Variants in CHST8 observed in about 807,000 individuals in gnomAD.
CHST8 encodes carbohydrate sulfotransferase 8.
Under a neutral mutation model 15.0 loss-of-function variants are expected in CHST8, and 10 were observed. The observed-to-expected ratio is 0.67, with a 90% CI of 0.41 to 1.13. The LOEUF is 1.13. CHST8 is among the 50% of genes most tolerant of loss of function. The pLI, the probability that CHST8 is intolerant of heterozygous loss-of-function variation, is 0.00. For missense variants in CHST8, 634 were observed against 608.2 expected (o/e 1.04, Z -0.45); for synonymous variants, 259 against 256.6 (o/e 1.01, Z -0.09).
At chr19:33,649,209 A>C (rs1415923864) in intron 1 of CHST8, among the ~76,000 whole-genome samples, 1 of 151,934 alleles carries the variant, frequency 6.6e-6, no homozygotes, top group Non-Finnish European at 1.5e-5. Flanking sequence ...CGGCCTGTCT[A>C]TCCTTCTGAT....
intron 2 of CHST8, among the ~76,000 whole-genome samples, chr19:33,669,712 G>A (rs1401918625): frequency 6.6e-6 from 1 of 152,168 alleles, no homozygotes; most frequent in Admixed American, 6.5e-5. Context: ...TGTGAAGGCA[G>A]CCTGGAGTGC....
intron 1 of CHST8, among the ~76,000 whole-genome samples, chr19:33,664,381 C>T (rs1334947564): frequency 6.6e-6 from 1 of 150,600 alleles, no homozygotes; most frequent in African/African-American, 2.4e-5. Context: ...ATGCGCTGCA[C>T]CCACTAACTC....
intron 3 of CHST8, among the ~76,000 whole-genome samples, chr19:33,728,916 C>G: frequency 6.6e-6 from 1 of 152,172 alleles, no homozygotes; most frequent in East Asian, 1.9e-4. Flanking sequence ...GGTGCTGCTG[C>G]GTTAGTCTGA....
chr19:33,672,221 A>G (rs911236149), intron 2 of CHST8, among the ~76,000 whole-genome samples: 6 of 152,040 alleles, frequency 3.9e-5, no homozygotes, highest in Non-Finnish European at 7.4e-5. Flanking sequence ...GGTGGGGTAT[A>G]GAGTCTCACT....
chr19:33,663,163 C>G (rs1301403743), intron 1 of CHST8, among the ~76,000 whole-genome samples: 5 of 152,132 alleles, frequency 3.3e-5, no homozygotes. Flanking sequence ...GAAGTGACCC[C>G]TGGACAAAGG....
At chr19:33,685,456 G>A (rs1204271998) in intron 2 of CHST8, among the ~76,000 whole-genome samples, 1 of 151,878 alleles carries the variant, frequency 6.6e-6, no homozygotes, top group African/African-American at 2.4e-5. Context: ...GGCAGGAGCT[G>A]CTGGAAACTC....
At chr19:33,661,852 G>A (rs1326871786) in intron 1 of CHST8, among the ~76,000 whole-genome samples, 1 of 142,508 alleles carries the variant, frequency 7.0e-6, no homozygotes, top group African/African-American at 2.6e-5. Context: ...GCAACACAGG[G>A]AGATTTCATC....
At chr19:33,634,953 A>G (rs779941639) in intron 1 of CHST8, among the ~76,000 whole-genome samples, 15 of 152,248 alleles carry the variant, frequency 9.9e-5, no homozygotes, top group Non-Finnish European at 1.8e-4. Flanking sequence ...AACTTCCAAC[A>G]GAGCTGCAGC....
chr19:33,741,075 C>A (rs1251376851), intron 3 of CHST8, among the ~76,000 whole-genome samples: 4 of 152,206 alleles, frequency 2.6e-5, no homozygotes, highest in African/African-American at 4.8e-5. Context: ...TTTGTGGTGT[C>A]AGCCTCGTTT....
intron 3 of CHST8, among the ~76,000 whole-genome samples, chr19:33,742,444 C>A (rs546398760): frequency 1.3e-5 from 2 of 152,246 alleles, no homozygotes; most frequent in East Asian, 1.9e-4. Flanking sequence ...AGAGAGGGAA[C>A]AAGAGACATG....
At chr19:33,644,816 G>A (rs536264351) in intron 1 of CHST8, among the ~76,000 whole-genome samples, 5 of 152,328 alleles carry the variant, frequency 3.3e-5, no homozygotes, top group Admixed American at 1.3e-4. Context: ...TAGGCTAAGA[G>A]GGATTGGAAG....
chr19:33,661,068 G>T (rs1043953721), intron 1 of CHST8, among the ~76,000 whole-genome samples: 2 of 152,146 alleles, frequency 1.3e-5, no homozygotes, highest in Non-Finnish European at 2.9e-5. Flanking sequence ...CGGGGACTTG[G>T]TGCACTGACC....
intron 1 of CHST8, among the ~76,000 whole-genome samples, chr19:33,633,498 C>T (rs1280716654): frequency 6.6e-6 from 1 of 152,006 alleles, no homozygotes; most frequent in East Asian, 1.9e-4. Flanking sequence ...CTCATGCCAG[C>T]CTCCCGCCTC....
intron 3 of CHST8, among the ~76,000 whole-genome samples, chr19:33,717,338 G>A (rs1973682713): frequency 6.6e-6 from 1 of 152,038 alleles, no homozygotes; most frequent in Non-Finnish European, 1.5e-5. Flanking sequence ...GTGCGCGCCT[G>A]TAGTCCCAGC....
At chr19:33,678,504 G>A (rs1157352602) in intron 2 of CHST8, among the ~76,000 whole-genome samples, 1 of 152,158 alleles carries the variant, frequency 6.6e-6, no homozygotes, top group African/African-American at 2.4e-5. Flanking sequence ...TGCTTTGGGA[G>A]GCCAAGGTAA....
intron 3 of CHST8, among the ~76,000 whole-genome samples, chr19:33,696,921 A>G (rs1599561852): frequency 6.6e-6 from 1 of 151,122 alleles, no homozygotes; most frequent in South Asian, 2.1e-4. Context: ...GCTCACCACA[A>G]CCTCTGCCTC....
At chr19:33,756,657 A>G (rs982520489) in intron 3 of CHST8, among the ~76,000 whole-genome samples, 4 of 152,098 alleles carry the variant, frequency 2.6e-5, no homozygotes, top group East Asian at 1.9e-4. Context: ...GCAAAATCCA[A>G]CATTTCCTTT....
chr19:33,748,348 A>G (rs534459169), intron 3 of CHST8, among the ~76,000 whole-genome samples: 1 of 152,240 alleles, frequency 6.6e-6, no homozygotes, highest in Non-Finnish European at 1.5e-5. Context: ...TGAGAAGTGG[A>G]GACACAGCTT....
At chr19:33,771,850 C>A in intron 4 of CHST8, 107 bp from the exon 5 acceptor site, 1 of 1,346,254 alleles carries the variant, frequency 7.4e-7, no homozygotes, top group Non-Finnish European at 1.0e-6. Flanking sequence ...CTGTCTCCCT[C>A]ACCTGAGAGG....
Sources: gnomAD v4.1 joint callset for allele counts (sites outside exome capture counted in the v4.1 genomes callset) on GRCh38, gnomAD v4.1.1 for gene constraint, MANE v1.5 for transcripts, NCBI Gene and HGNC (gene_info 2026-07-23, HGNC 2026-07-21) for gene names.